Variants in ADCY9 observed in about 807,000 individuals in gnomAD.
The protein encoded by ADCY9 is adenylate cyclase 9, also known as adenylate cyclase type 9.
A neutral mutation model predicts 101.5 loss-of-function variants in ADCY9; 50 were observed. That is an observed-to-expected ratio of 0.49 (90% CI 0.39 to 0.62). ADCY9 has a LOEUF of 0.62. Among genes scored for constraint, ADCY9 ranks in the 20% least tolerant of loss-of-function variants. The pLI, the probability that ADCY9 is intolerant of heterozygous loss-of-function variation, is 0.00. For synonymous variants in ADCY9, 905 were observed against 769.3 expected, an observed-to-expected ratio of 1.18 and a Z score of -2.92; for missense variants, 1,662 against 1,800.4, an observed-to-expected ratio of 0.92 and a Z score of 1.39.
chr16:4,115,451 G>C lies in ADCY9; in HGVS notation c.-9C>G, dbSNP rs1170756419. 22 of 1,531,320 alleles carry C rather than the reference G, an allele frequency of 1.4e-5. No individual in the cohort carries two copies. The highest frequency in any genetic ancestry group is 1.8e-5 in the Non-Finnish European group (21 of 1,138,158). The allele number at this position is 1,531,320 out of a possible 1,614,324, so 94.9% of individuals were successfully genotyped here. On this transcript the variant is annotated 5_prime_UTR_variant, in exon 2 of 11. Coordinates refer to ENST00000294016, the MANE Select transcript of ADCY9 (RefSeq NM_001116.4). The surrounding 1 kb of genome is among the most constrained non-coding windows in gnomAD (Gnocchi z 6.2). The stretch of plus-strand genomic sequence containing the variant: ...TGGGGTGGGGAAGCCATGTTGTCGA[G>C]TCCCGGGGCCTGCCCCGGCCGGGGT...
intron 2 of ADCY9, among the ~76,000 whole-genome samples, chr16:4,075,786 C>T (rs186700756): frequency 1.3e-4 from 20 of 152,142 alleles, no homozygotes; most frequent in African/African-American, 4.6e-4. Flanking sequence ...AGCTTTCCAA[C>T]GGAGATGCTA....
chr16:4,111,084 C>T (rs188322570), intron 2 of ADCY9, among the ~76,000 whole-genome samples: 1 of 152,350 alleles, frequency 6.6e-6, no homozygotes, highest in Non-Finnish European at 1.5e-5. Context: ...AATCATGAAA[C>T]TACCCTTCTG....
chr16:4,089,609 C>T (rs1427074380), intron 2 of ADCY9, among the ~76,000 whole-genome samples: 2 of 151,996 alleles, frequency 1.3e-5, no homozygotes, highest in African/African-American at 4.8e-5. Flanking sequence ...CATGGCTGGG[C>T]CCTACGGTAG....
chr16:3,979,046 T>C (rs949635454), intron 8 of ADCY9, 70 bp downstream of exon 8: 1 of 1,582,598 alleles, frequency 6.3e-7, no homozygotes, highest in Non-Finnish European at 8.7e-7. Context: ...CTATCCCAAG[T>C]GATTTAAAGA....
intron 2 of ADCY9, among the ~76,000 whole-genome samples, chr16:4,029,918 T>C (rs986032154): frequency 2.0e-5 from 3 of 151,922 alleles, no homozygotes; most frequent in African/African-American, 7.3e-5. Flanking sequence ...AAATACAGAA[T>C]CACAAATGAA....
intron 10 of ADCY9, among the ~76,000 whole-genome samples, chr16:3,974,191 G>A (rs2056075316): frequency 6.6e-6 from 1 of 152,120 alleles, no homozygotes; most frequent in Admixed American, 6.6e-5. Context: ...ACAGGCGCCC[G>A]CCACCATGCC....
intron 5 of ADCY9, among the ~76,000 whole-genome samples, chr16:3,956,257 T>C (rs1048852440): frequency 3.3e-5 from 5 of 152,078 alleles, no homozygotes; most frequent in African/African-American, 1.2e-4. Flanking sequence ...TCAAATTATA[T>C]TCTATGATAA....
chr16:4,042,864 T>C (rs1371227928), intron 2 of ADCY9, among the ~76,000 whole-genome samples: 1 of 152,206 alleles, frequency 6.6e-6, no homozygotes, highest in East Asian at 1.9e-4. Flanking sequence ...TGCTAACTTA[T>C]CAACTGTATG....
chr16:4,018,646 T>C (rs952802099), intron 2 of ADCY9, among the ~76,000 whole-genome samples: 8 of 152,192 alleles, frequency 5.3e-5, no homozygotes, highest in Non-Finnish European at 1.0e-4. Flanking sequence ...GGCACATGCT[T>C]GCTGTGAATT....
chr16:4,075,621 C>T (rs1329616416), intron 2 of ADCY9, among the ~76,000 whole-genome samples: 1 of 152,142 alleles, frequency 6.6e-6, no homozygotes, highest in Non-Finnish European at 1.5e-5. Flanking sequence ...CACCATACAC[C>T]AGGGACACAA....
Position 3,957,484 on chromosome 16 carries a change from G to A in ADCY9, c.568-3968C>T, listed in dbSNP as rs180779420. ...TTATCTACAGTCCTAGAGTCAGGGAGGGGGAGGGTGATGGCGGAATGGGGG... is the reference window on the plus strand; with the variant it reads ...TTATCTACAGTCCTAGAGTCAGGGAAGGGGAGGGTGATGGCGGAATGGGGG... On this transcript the variant is annotated intron_variant, in intron 5 of 5. Transcript: ENST00000576936. 3.9e-5 allele frequency among the ~76,000 whole-genome samples: 6 copies of A among 152,274 alleles called. No individual in the cohort carries two copies. In the East Asian group the frequency reaches 9.6e-4, roughly 24 times the overall value.
intron 2 of ADCY9, among the ~76,000 whole-genome samples, chr16:4,036,179 G>A (rs1200645147): frequency 6.6e-6 from 1 of 151,498 alleles, no homozygotes; most frequent in Non-Finnish European, 1.5e-5. Context: ...AACAGCCACA[G>A]CACCTTGAAG....
chr16:3,954,616 G>T (rs1355571288), intron 5 of ADCY9, among the ~76,000 whole-genome samples: 4 of 152,228 alleles, frequency 2.6e-5, no homozygotes, highest in Admixed American at 2.0e-4. Context: ...GGAACACGAG[G>T]TTCACCAAGA....
In ADCY9 at chr16:3,966,018, A is replaced by T; in HGVS notation, c.3819T>A (p.Ser1273=). The stretch of plus-strand genomic sequence containing the variant: ...CCAGGTTGGCAATCTCGTCTGTGGG[A>T]GACCGTCCGATGCTGCCATCCACCT... ...RVQVDGSIGR[S]PTDEIANLVP... Residue 1273 remains serine, a synonymous_variant, in exon 11 of 11, where the codon TCT becomes TCA. Transcript: ENST00000294016. The T allele has an allele frequency of 1.2e-6, 2 of 1,614,152 alleles. No homozygotes were observed. The highest frequency in any genetic ancestry group is 1.7e-6 in the Non-Finnish European group (2 of 1,180,028).
intron 6 of ADCY9, among the ~76,000 whole-genome samples, chr16:3,985,302 G>C: frequency 6.6e-6 from 1 of 152,126 alleles, no homozygotes; most frequent in East Asian, 1.9e-4. Context: ...ACCACGCCCA[G>C]CTAATTTTTG....
At chr16:4,074,584 G>C (rs2056855102) in intron 2 of ADCY9, among the ~76,000 whole-genome samples, 3 of 151,716 alleles carry the variant, frequency 2.0e-5, no homozygotes, top group Admixed American at 1.3e-4. Flanking sequence ...GGGCATGGTG[G>C]TGTACGCCTA....
At chr16:3,985,235 G>A (rs867590154) in intron 6 of ADCY9, among the ~76,000 whole-genome samples, 2 of 144,596 alleles carry the variant, frequency 1.4e-5, no homozygotes, top group Non-Finnish European at 3.0e-5. Context: ...CGCCTCCCAG[G>A]TTCAAGCAAT....
At chr16:4,036,624 G>T (rs1458304917) in intron 2 of ADCY9, among the ~76,000 whole-genome samples, 1 of 151,702 alleles carries the variant, frequency 6.6e-6, no homozygotes, top group African/African-American at 2.4e-5. Flanking sequence ...CAACCACCCG[G>T]CTAATTTTTG....
At chr16:4,002,656 C>T (rs1299989609) in intron 3 of ADCY9, among the ~76,000 whole-genome samples, 1 of 152,238 alleles carries the variant, frequency 6.6e-6, no homozygotes, top group Non-Finnish European at 1.5e-5. Flanking sequence ...TACTAAGATG[C>T]TTTCACAGCT....
Sources: allele counts gnomAD v4.1 joint callset (sites outside exome capture counted in the v4.1 genomes callset), GRCh38; gene constraint gnomAD v4.1.1; non-coding constraint Gnocchi (gnomAD v3.1); transcripts MANE v1.5; gene names NCBI Gene and HGNC (gene_info 2026-07-23, HGNC 2026-07-21).